LAMA5: variants seen among roughly 807,000 people sequenced by gnomAD.
LAMA5 encodes laminin subunit alpha 5, also known as laminin subunit alpha-5.
In LAMA5, 260 loss-of-function variants were observed where a neutral mutation model predicts 433.4. That is an observed-to-expected ratio of 0.60 (90% confidence interval 0.54 to 0.66). The LOEUF is 0.66. LAMA5 is among the 30% of genes least tolerant of loss of function. The pLI is 0.00. For synonymous variants in LAMA5, 2,620 were observed against 2,226.6 expected, an observed-to-expected ratio of 1.18 and a Z score of -4.97; for missense variants, 5,378 against 5,258.5, an observed-to-expected ratio of 1.02 and a Z score of -0.70.
At chr20:62,309,636 G>GGT in intron 79 of LAMA5, 80 bp downstream of exon 79, 1 of 458,364 alleles carries the variant, frequency 2.2e-6, no homozygotes, top group Admixed American at 8.8e-5. Flanking sequence ...GGGGGTGGAG[G>GGT]GGTGGGGGGA....
At chr20:62,366,587 C>G (rs1986753103) in intron 1 of LAMA5, among the ~76,000 whole-genome samples, 1 of 152,220 alleles carries the variant, frequency 6.6e-6, no homozygotes, top group Non-Finnish European at 1.5e-5. Context: ...GCTGCGCCCC[C>G]TCCCCACCGG....
Position 62,326,868 on chromosome 20 carries a change from C to T in LAMA5, c.5211G>A (p.Leu1737=). 1.9e-6 allele frequency: 3 copies of T among 1,610,318 alleles called. No individual in the cohort carries two copies. Among genetic ancestry groups the T allele is most frequent in the South Asian group, 1.1e-5 (1 of 90,952 alleles). The part of the protein sequence containing the change: ...VPMESRPDVV[L]QGNQMSITFL... ...CACATCATCTCAGCTCCCTCACCTG[C>T]AGCACCACATCCGGCCTGCTCTCCA... Residue 1737 remains leucine, a synonymous_variant, in exon 39 of 80, where the codon CTG becomes CTA. Transcript: ENST00000252999.
At position 62,323,787 on chromosome 20, in the gene LAMA5, G is replaced by T; in HGVS notation, c.5838C>A (p.Ala1946=). 6.2e-7 allele frequency: 1 copy of T among 1,610,308 alleles called. No homozygotes were observed. Among genetic ancestry groups the T allele is most frequent in the Non-Finnish European group, 8.5e-7 (1 of 1,178,652 alleles). The change falls in exon 44 of 80, where the codon GCC becomes GCA. Residue 1946 remains alanine (A), a synonymous_variant. Coordinates refer to ENST00000252999, the MANE Select transcript of LAMA5 (RefSeq NM_005560.6). ...TAGCCCCAGCTCACCGCTCGCAGGA[G>T]GCACCTGCATAACCAGGTTTGCAGA... ...QCLCKPGYAG[A]SCERCAPGFF...
Position 62,346,428 on chromosome 20 carries a change from C to T in LAMA5, c.1282+78G>A, listed in dbSNP as rs1324567882. On this transcript the variant is annotated intron_variant, in intron 9 of 79. Coordinates refer to ENST00000252999, the MANE Select transcript of LAMA5 (RefSeq NM_005560.6). The stretch of plus-strand genomic sequence containing the variant: ...GAAGCTCAGGACATCCCCTCCAAAG[C>T]AGCCCCAAAGGCCCAAGAACACCTC... 1.6e-5 allele frequency: 23 copies of T among 1,444,780 alleles called. No homozygotes were observed. In the East Asian group the frequency reaches 5.0e-4, roughly 31 times the overall value. 89.5% of individuals were successfully genotyped at this position (1,444,780 alleles called of 1,614,324 possible).
chr20:62,366,017 C>A (rs1046603013), intron 1 of LAMA5, among the ~76,000 whole-genome samples: 1 of 152,222 alleles, frequency 6.6e-6, no homozygotes, highest in African/African-American at 2.4e-5. Context: ...CCTGCCCCAG[C>A]CTCTCCTTCC....
chr20:62,363,557 G>T (rs1198696196), intron 1 of LAMA5, among the ~76,000 whole-genome samples: 1 of 152,126 alleles, frequency 6.6e-6, no homozygotes, highest in African/African-American at 2.4e-5. Context: ...GGGATGAGGA[G>T]AGGGGGCAGA....
chr20:62,333,909 C>T lies in LAMA5; in HGVS notation c.2870G>A (p.Cys957Tyr), dbSNP rs1981022621. ...SVREEGRSAT[C>Y]ANCTAQSQPV... ...CCAGGGACCCCACTCACAGTTGGCGCAGGTGGCCGACCTGCCCTCCTCTCG... is the reference window on the plus strand; with the variant it reads ...CCAGGGACCCCACTCACAGTTGGCGTAGGTGGCCGACCTGCCCTCCTCTCG... The change falls in exon 23 of 80, where the codon TGC (cysteine) becomes TAC (tyrosine). Residue 957 changes from cysteine to tyrosine, a missense_variant. Physicochemically the swap from Cys to Tyr is radical, Grantham distance 194 (BLOSUM62 -2). Coordinates refer to ENST00000252999, the MANE Select transcript of LAMA5 (RefSeq NM_005560.6). 1.6e-5 allele frequency: 26 copies of T among 1,597,322 alleles called. No individual in the cohort carries two copies. The highest frequency in any genetic ancestry group is 2.2e-5 in the Non-Finnish European group (26 of 1,169,898).
At position 62,310,466 on chromosome 20, in the gene LAMA5, AG is replaced by A. The variant is rs1343598769; in HGVS notation, c.10552del (p.Leu3518TrpfsTer16). ...AGVTPCILGP[L>X]EAGLFFPGSG... ...GCCTGGGAAGAACAGGCCCGCCTCC[AG>A]GGGGCCCAAGATGCAGGGTGTGACC... is the stretch of plus-strand genomic sequence containing the variant. On this transcript the variant is annotated frameshift_variant, in exon 76 of 80. Transcript: ENST00000252999. LOFTEE classifies it high-confidence loss of function. 2.5e-6 allele frequency: 4 copies of A among 1,598,378 alleles called. No individual in the cohort carries two copies. Among genetic ancestry groups the A allele is most frequent in the Admixed American group, 1.8e-5 (1 of 57,090 alleles).
At chr20:62,360,812 G>A (rs944483977) in intron 2 of LAMA5, among the ~76,000 whole-genome samples, 6 of 152,090 alleles carry the variant, frequency 3.9e-5, no homozygotes, top group African/African-American at 1.4e-4. Context: ...CAATCTAAAA[G>A]CAAACTGGCT....
In LAMA5 at chr20:62,314,369, C is replaced by T. The variant is rs748670205; in HGVS notation, c.8439G>A (p.Ala2813=). 31 of 1,613,344 alleles carry T rather than the reference C, an allele frequency of 1.9e-5. No homozygotes were observed. The highest frequency in any genetic ancestry group is 2.3e-5 in the Non-Finnish European group (27 of 1,179,964). Reference sequence around the variant, plus strand: ...CATCGATGCTTAGGACTGCAGGGCCCGCCTCACCCAGCTGATACACCCAGT... The same window carrying T: ...CATCGATGCTTAGGACTGCAGGGCCTGCCTCACCCAGCTGATACACCCAGT... ...KVHWVYQLGE[A]GPAVLSIDED... The change falls in exon 62 of 80, where the codon GCG becomes GCA. Residue 2813 remains alanine, a synonymous_variant. Transcript: ENST00000252999.
rs567839593 is a variant in LAMA5 at position 62,341,169 on chromosome 20, C to T, written c.1478-2561G>A. Among the ~76,000 whole-genome samples, 9 of 152,114 alleles carry T rather than the reference C, an allele frequency of 5.9e-5. No homozygotes were observed. In the South Asian group the frequency reaches 1.2e-3, roughly 21 times the overall value. The stretch of plus-strand genomic sequence containing the variant: ...ACAAAAGGCAGAAACTATCAGTGTG[C>T]CAAGTCTAACCACGATGCAGCAAAA... On this transcript the variant is annotated intron_variant, in intron 11 of 79. Transcript: ENST00000252999.
At chr20:62,361,340 G>T (rs765455478) in intron 2 of LAMA5, among the ~76,000 whole-genome samples, 2 of 152,168 alleles carry the variant, frequency 1.3e-5, no homozygotes, top group Non-Finnish European at 2.9e-5. Context: ...TCTCCACAGG[G>T]CTCTGCAAGT....
intron 25 of LAMA5, 44 bp from the exon 26 acceptor site, chr20:62,333,287 C>T (rs764548580): frequency 1.3e-6 from 2 of 1,582,630 alleles, no homozygotes; most frequent in South Asian, 1.2e-5. Context: ...CCACCCAGGT[C>T]CCCAGAGACA....
In LAMA5 at chr20:62,309,488, GGAAGATGGAA is replaced by G; in HGVS notation, c.10949-23_10949-14del. The G allele has an allele frequency of 6.4e-7, 1 of 1,565,816 alleles. No homozygotes were observed. Among genetic ancestry groups the G allele is most frequent in the Admixed American group, 1.8e-5 (1 of 55,486 alleles). On this transcript the variant is annotated splice_polypyrimidine_tract_variant and intron_variant, in intron 79 of 79. Coordinates refer to ENST00000252999, the MANE Select transcript of LAMA5 (RefSeq NM_005560.6). ...ACGGCCATGGGCTCTGGGGGCACAG[GGAAGATGGAA>G]GAAGGCTGGTTGGTGGGCAGCTAGA...
rs368895348 is a variant in LAMA5 at position 62,315,132 on chromosome 20, G to A, written c.7943C>T (p.Ser2648Phe). Residue 2648 changes from serine (S) to phenylalanine (F), a missense_variant, in exon 59 of 80, where the codon TCC becomes TTC. Coordinates refer to ENST00000252999, the MANE Select transcript of LAMA5 (RefSeq NM_005560.6). ...ATTCTCCTGCATGGCCTGCAGCTGG[G>A]ACTGCACACGGGTGGCGGTGTCCTG... ...EAQDTATRVQ[S>F]QLQAMQENVE... 1 of 1,610,026 alleles carries A rather than the reference G, an allele frequency of 6.2e-7. No individual in the cohort carries two copies. Among genetic ancestry groups the A allele is most frequent in the African/African-American group, 1.3e-5 (1 of 75,056 alleles).
chr20:62,349,180 A>T (rs1983806337), intron 6 of LAMA5, among the ~76,000 whole-genome samples: 1 of 148,426 alleles, frequency 6.7e-6, no homozygotes, highest in Non-Finnish European at 1.5e-5. Context: ...CTGAGGTGGG[A>T]GAATGGCATG....
chr20:62,329,194 G>C lies in LAMA5; in HGVS notation c.4179C>G (p.Pro1393=), dbSNP rs117065914. The change falls in exon 33 of 80, where the codon CCC becomes CCG. Residue 1393 remains proline (P), a synonymous_variant. Transcript: ENST00000252999. Reference sequence around the variant, plus strand: ...TGATGAAGTCATAGGATTTATCCAGGGGCTCCTCCCGGAGGTAGCCAAAGC... The same window carrying C: ...TGATGAAGTCATAGGATTTATCCAGCGGCTCCTCCCGGAGGTAGCCAAAGC... ...VYSFGYLREE[P]LDKSYDFISH... 895 of 1,612,906 alleles carry C rather than the reference G, an allele frequency of 5.5e-4. 1 individual carries two copies. The highest frequency in any genetic ancestry group is 3.0e-3 in the Middle Eastern group (18 of 6,062).
Position 62,312,816 on chromosome 20 carries a change from T to A in LAMA5, c.9079-36A>T, listed in dbSNP as rs1227934144. The A allele has an allele frequency of 1.9e-6, 3 of 1,600,408 alleles. No homozygotes were observed. The African/African-American group carries it at 4.0e-5, about 21-fold the overall frequency. On this transcript the variant is annotated intron_variant, in intron 66 of 79. Transcript: ENST00000252999. ...AGTGGGGGCTCCAGGGCCAGCTGTG[T>A]CCCTGCGGCCTGCCCCGCCCCCATC...
Position 62,333,636 on chromosome 20 carries a change from CCT to C in LAMA5, c.2947_2948del (p.Arg983GlyfsTer32). ...TEPAFITVPQ[R>X]GFGEPFVLNP... ...TCAGCACAAAGGGCTCTCCGAAGCC[CCT>C]CTGGGGCACGGTGATGAAGGCAGGC... is the stretch of plus-strand genomic sequence containing the variant. On this transcript the variant is annotated frameshift_variant, in exon 24 of 80. Coordinates refer to ENST00000252999, the MANE Select transcript of LAMA5 (RefSeq NM_005560.6). LOFTEE classifies it high-confidence loss of function. The C allele has an allele frequency of 6.3e-7, 1 of 1,588,416 alleles. No homozygotes were observed. The highest frequency in any genetic ancestry group is 8.6e-7 in the Non-Finnish European group (1 of 1,168,690).
Sources: allele counts gnomAD v4.1 joint callset (sites outside exome capture counted in the v4.1 genomes callset), GRCh38; gene constraint gnomAD v4.1.1; transcripts MANE v1.5; gene names NCBI Gene and HGNC (gene_info 2026-07-23, HGNC 2026-07-21).